MRE11: variants seen among roughly 807,000 people sequenced by gnomAD.
MRE11 encodes double-strand break repair protein MRE11.
In MRE11, 62 loss-of-function variants were observed where a neutral mutation model predicts 91.7. The observed-to-expected ratio is 0.68, with a 90% CI of 0.55 to 0.84. The LOEUF is 0.84. Among genes scored for constraint, MRE11 ranks in the 40% least tolerant of loss-of-function variants. The probability of loss-of-function intolerance (pLI) is 0.00; values close to 1 mark genes in which losing one functional copy is unlikely to be tolerated. For missense variants in MRE11, 796 were observed against 852.9 expected (o/e 0.93, Z 0.83); for synonymous variants, 273 against 271.4 (o/e 1.01, Z -0.06).
At chr11:94,462,558 A>T (rs1946449291) in intron 11 of MRE11, among the ~76,000 whole-genome samples, 2 of 152,220 alleles carry the variant, frequency 1.3e-5, no homozygotes, top group African/African-American at 4.8e-5. Flanking sequence ...CCAAAACAGC[A>T]TGGTGCTGGT....
At chr11:94,501,834 T>C in the MRE11 span, among the ~76,000 whole-genome samples, 7 of 152,222 alleles carry the variant, frequency 4.6e-5, no homozygotes, top group African/African-American at 1.7e-4. Context: ...TAGTTTGTTA[T>C]TTAAATGTAA....
intron 17 of MRE11, 108 bp downstream of exon 17, chr11:94,437,069 G>T: frequency 2.1e-6 from 2 of 972,374 alleles, no homozygotes; most frequent in Non-Finnish European, 3.1e-6. Flanking sequence ...CAGCTTTAAT[G>T]TTCCATAATT....
intron 16 of MRE11, among the ~76,000 whole-genome samples, chr11:94,444,581 C>T (rs1945874964): frequency 6.6e-6 from 1 of 152,148 alleles, no homozygotes. Flanking sequence ...TCATTAAATG[C>T]TGTTTAAAAT....
chr11:94,484,391 T>G (rs910385428), intron 4 of MRE11, among the ~76,000 whole-genome samples: 7 of 152,222 alleles, frequency 4.6e-5, no homozygotes, highest in African/African-American at 1.7e-4. Context: ...AATCTAAAAT[T>G]AATGAACAAA....
chr11:94,467,357 TAAG>T (rs1436576253), intron 10 of MRE11, among the ~76,000 whole-genome samples: 3 of 150,228 alleles, frequency 2.0e-5, no homozygotes, highest in Non-Finnish European at 4.4e-5. Flanking sequence ...GGGAAAAAAA[TAAG>T]AAGAAAAGAG....
intron 4 of MRE11, among the ~76,000 whole-genome samples, chr11:94,482,506 C>A (rs980422604): frequency 4.6e-5 from 7 of 152,176 alleles, no homozygotes; most frequent in African/African-American, 1.7e-4. Flanking sequence ...GAAACTGAAT[C>A]TACACAAAAG....
At chr11:94,456,214 A>G (rs1946244251) in intron 14 of MRE11, 62 bp downstream of exon 14, 13 of 1,481,540 alleles carry the variant, frequency 8.8e-6, no homozygotes, top group Non-Finnish European at 1.2e-5. Flanking sequence ...AACTAAACCT[A>G]CTGGTTATTC....
intron 3 of MRE11, among the ~76,000 whole-genome samples, chr11:94,489,815 T>C (rs966293761): frequency 6.6e-6 from 1 of 152,162 alleles, no homozygotes; most frequent in Non-Finnish European, 1.5e-5. Context: ...AGTCTCCAAC[T>C]CTAAGTTTGT....
intron 14 of MRE11, among the ~76,000 whole-genome samples, chr11:94,449,099 C>T (rs537057149): frequency 1.2e-4 from 19 of 152,208 alleles, no homozygotes; most frequent in South Asian, 1.0e-3. Flanking sequence ...CTAAGAATAG[C>T]TGACCAGAAC....
chr11:94,451,572 A>G (rs2134939210), intron 14 of MRE11, among the ~76,000 whole-genome samples: 1 of 152,270 alleles, frequency 6.6e-6, no homozygotes, highest in South Asian at 2.1e-4. Context: ...AAGCAAATAG[A>G]GACTCCAGAA....
the MRE11 span, among the ~76,000 whole-genome samples, chr11:94,511,494 T>G: frequency 6.6e-6 from 1 of 152,172 alleles, no homozygotes; most frequent in East Asian, 1.9e-4. Context: ...AAATTTCAAT[T>G]TATCTATAAT....
At chr11:94,464,967 ATCAC>A (rs1208035501) in intron 10 of MRE11, among the ~76,000 whole-genome samples, 2 of 152,142 alleles carry the variant, frequency 1.3e-5, no homozygotes, top group Non-Finnish European at 2.9e-5. Context: ...TTCACTCATC[ATCAC>A]TATCTGCTAA....
At chr11:94,459,665 A>G (rs533880301) in intron 12 of MRE11, 84 bp from the exon 13 acceptor site, 11 of 1,409,582 alleles carry the variant, frequency 7.8e-6, no homozygotes, top group East Asian at 4.6e-5. Flanking sequence ...ATTACCAAAT[A>G]TGTTACCAGA....
intron 19 of MRE11, among the ~76,000 whole-genome samples, chr11:94,429,169 T>C (rs371286636): frequency 6.6e-6 from 1 of 152,286 alleles, no homozygotes; most frequent in Non-Finnish European, 1.5e-5. Context: ...AGAATGGCTA[T>C]TACTAAAAAG....
At chr11:94,425,653 T>A (rs956286939) in intron 19 of MRE11, among the ~76,000 whole-genome samples, 1 of 152,060 alleles carries the variant, frequency 6.6e-6, no homozygotes, top group Admixed American at 6.5e-5. Flanking sequence ...TGGAGAAAGA[T>A]CTAACATGCA....
the MRE11 span, among the ~76,000 whole-genome samples, chr11:94,509,632 G>A: frequency 6.6e-6 from 1 of 151,878 alleles, no homozygotes; most frequent in African/African-American, 2.4e-5. Flanking sequence ...TAGTAGAGAC[G>A]GGTTTTCACC....
At chr11:94,500,375 CCT>C in the MRE11 span, among the ~76,000 whole-genome samples, 1 of 152,210 alleles carries the variant, frequency 6.6e-6, no homozygotes, top group Non-Finnish European at 1.5e-5. Flanking sequence ...AAATCCCACC[CCT>C]GAGGGCAGAA....
At chr11:94,489,326 T>C (rs1490067108) in intron 3 of MRE11, among the ~76,000 whole-genome samples, 1 of 151,682 alleles carries the variant, frequency 6.6e-6, no homozygotes. Flanking sequence ...GGTGTGGATG[T>C]AGCACTGTAA....
chr11:94,504,627 G>A, the MRE11 span, among the ~76,000 whole-genome samples: 1 of 152,140 alleles, frequency 6.6e-6, no homozygotes, highest in South Asian at 2.1e-4. Context: ...ATACCAAAGT[G>A]GTTTTAGCAT....
Sources: gnomAD v4.1 joint callset for allele counts (sites outside exome capture counted in the v4.1 genomes callset) on GRCh38, gnomAD v4.1.1 for gene constraint, MANE v1.5 for transcripts, NCBI Gene and HGNC (gene_info 2026-07-23, HGNC 2026-07-21) for gene names.